Variants in UGT1A9 observed in about 807,000 individuals in gnomAD.
UGT1A9 encodes UDP glucuronosyltransferase family 1 member A9, also known as UDP-glucuronosyltransferase 1A9.
Under a neutral mutation model 45.0 loss-of-function variants are expected in UGT1A9, and 35 were observed. The ratio of observed to expected loss-of-function variants is 0.78; its 90% CI spans 0.59 to 1.03. UGT1A9 has a LOEUF of 1.03. UGT1A9 is among the 50% of genes least tolerant of loss of function. The pLI is 0.00. For synonymous variants in UGT1A9, 278 were observed against 250.6 expected (o/e 1.11, Z -1.03); for missense variants, 687 against 666.6 (o/e 1.03, Z -0.34).
In UGT1A9 at chr2:233,769,413, T is replaced by A; in HGVS notation, c.1295+974T>A. 1 of 1,369,868 alleles carries A rather than the reference T, an allele frequency of 7.3e-7. No homozygotes were observed. Among genetic ancestry groups the A allele is most frequent in the Non-Finnish European group, 1.0e-6 (1 of 976,294 alleles). 84.9% of individuals were successfully genotyped at this position (1,369,868 alleles called of 1,614,324 possible). Reference sequence around the variant, plus strand: ...ACTGTGTGCATATGTGCGTGTGCGTTTGTGCATGTGGCTGTGCTCATGTGT... The same window carrying A: ...ACTGTGTGCATATGTGCGTGTGCGTATGTGCATGTGGCTGTGCTCATGTGT... On this transcript the variant is annotated intron_variant, in intron 4 of 4. Coordinates refer to ENST00000354728, the MANE Select transcript of UGT1A9 (RefSeq NM_021027.3). The surrounding 1 kb of genome is among the most constrained non-coding windows in gnomAD (Gnocchi z 4.4).
intron 1 of UGT1A9, chr2:233,682,017 A>G (rs949229127): frequency 6.2e-7 from 1 of 1,614,130 alleles, no homozygotes; most frequent in Non-Finnish European, 8.5e-7. Flanking sequence ...AAGGCAGGGA[A>G]GCTGCTGGTA....
intron 1 of UGT1A9, among the ~76,000 whole-genome samples, chr2:233,703,634 G>A (rs943242001): frequency 1.3e-5 from 2 of 151,830 alleles, no homozygotes; most frequent in Admixed American, 1.3e-4. Context: ...TCTGATATTA[G>A]TATAACCAAT....
intron 1 of UGT1A9, among the ~76,000 whole-genome samples, chr2:233,726,193 G>A (rs2077515288): frequency 6.6e-6 from 1 of 152,108 alleles, no homozygotes; most frequent in Admixed American, 6.5e-5. Flanking sequence ...TTTGGCATAT[G>A]GAAATCTTGT....
intron 1 of UGT1A9, chr2:233,729,470 CAATGTTGAACA>C: frequency 6.2e-7 from 1 of 1,614,122 alleles, no homozygotes; most frequent in African/African-American, 1.3e-5. Context: ...AGAAGTATGG[CAATGTTGAACA>C]ATATGTCTTT....
intron 1 of UGT1A9, chr2:233,743,509 G>T: frequency 7.3e-7 from 1 of 1,367,170 alleles, no homozygotes; most frequent in Non-Finnish European, 9.8e-7. Context: ...GGGTGCAGAC[G>T]CTCTGCTTCT....
Position 233,682,320 on chromosome 2 carries a change from T to C in UGT1A9, c.855+9531T>C, listed in dbSNP as rs763345749. ...TTTTTTTCAAATTGCAGGAGTTTGT[T>C]TAATGACCGAAAATTAGTAGAATAC... On this transcript the variant is annotated intron_variant, in intron 1 of 4. Transcript: ENST00000354728. 5.6e-6 allele frequency: 9 copies of C among 1,614,156 alleles called. No homozygotes were observed. The South Asian group carries it at 8.8e-5, about 16-fold the overall frequency.
At chr2:233,751,081 C>A (rs1306990263) in intron 1 of UGT1A9, among the ~76,000 whole-genome samples, 1 of 151,926 alleles carries the variant, frequency 6.6e-6, no homozygotes, top group African/African-American at 2.4e-5. Context: ...CCTCTGAAGG[C>A]AGCCAGGAGG....
chr2:233,772,326 C>A lies in UGT1A9; in HGVS notation c.1360C>A (p.Leu454Met), dbSNP rs767264478. ...HKDRPVEPLDLAVFWVEFVMR... is the reference protein window; with the variant it reads ...HKDRPVEPLDMAVFWVEFVMR... The stretch of plus-strand genomic sequence containing the variant: ...GGACCGCCCGGTGGAGCCGCTGGAC[C>A]TGGCCGTGTTCTGGGTGGAGTTTGT... The change falls in exon 5 of 5, where the codon CTG becomes ATG. Residue 454 changes from leucine (L) to methionine (M), a missense_variant. Coordinates refer to ENST00000354728, the MANE Select transcript of UGT1A9 (RefSeq NM_021027.3). 1 of 1,614,166 alleles carries A rather than the reference C, an allele frequency of 6.2e-7. No homozygotes were observed. The highest frequency in any genetic ancestry group is 8.5e-7 in the Non-Finnish European group (1 of 1,180,028).
intron 1 of UGT1A9, among the ~76,000 whole-genome samples, chr2:233,717,477 G>T (rs551633792): frequency 6.6e-6 from 1 of 152,346 alleles, no homozygotes; most frequent in East Asian, 1.9e-4. Context: ...TGTGTCCAAA[G>T]GTGGAATCTG....
intron 1 of UGT1A9, among the ~76,000 whole-genome samples, chr2:233,706,902 A>C (rs1389391522): frequency 6.6e-6 from 1 of 152,198 alleles, no homozygotes; most frequent in Non-Finnish European, 1.5e-5. Flanking sequence ...GGCATTTTAC[A>C]ATCCTAGCTG....
In UGT1A9 at chr2:233,725,300, A is replaced by G. The variant is rs956221010; in HGVS notation, c.856-41734A>G. The stretch of plus-strand genomic sequence containing the variant: ...CAGAGGCAGAGGCAGAGGCAGAGGC[A>G]GAGGCAGAGGCAGAGGCGCCTGGTC... On this transcript the variant is annotated intron_variant, in intron 1 of 4. Transcript: ENST00000354728. 9.4e-5 allele frequency among the ~76,000 whole-genome samples: 7 copies of G among 74,572 alleles called. 1 individual carries two copies. In the East Asian group the frequency reaches 1.7e-3, roughly 18 times the overall value. The allele number at this position is 74,572 out of a possible 152,430, so 48.9% of individuals were successfully genotyped here.
chr2:233,729,351 C>T, intron 1 of UGT1A9: 1 of 1,614,194 alleles, frequency 6.2e-7, no homozygotes, highest in Non-Finnish European at 8.5e-7. Context: ...AGAACTTTTT[C>T]ACCCTGACAA....
chr2:233,718,994 G>A lies in UGT1A9; in HGVS notation c.855+46205G>A, dbSNP rs749212538. ...AGCTCCATGCCAGAGGCCACCAGGC[G>A]GTGGTCCTCACCCCAGAGGTGAATA... On this transcript the variant is annotated intron_variant, in intron 1 of 4. Coordinates refer to ENST00000354728, the MANE Select transcript of UGT1A9 (RefSeq NM_021027.3). 2.7e-4 allele frequency: 436 copies of A among 1,613,960 alleles called. 1 individual carries two copies. The highest frequency in any genetic ancestry group is 1.8e-3 in the Admixed American group (110 of 60,006).
intron 1 of UGT1A9, among the ~76,000 whole-genome samples, chr2:233,705,124 G>A (rs1223845607): frequency 3.8e-5 from 5 of 133,010 alleles, no homozygotes; most frequent in Admixed American, 7.4e-5. Context: ...GGACAAGAGC[G>A]AGACTTCGTC....
chr2:233,697,312 G>A (rs150627234), intron 1 of UGT1A9, among the ~76,000 whole-genome samples: 114 of 152,132 alleles, frequency 7.5e-4, no homozygotes, highest in African/African-American at 2.7e-3. Flanking sequence ...TTGGTAGATT[G>A]TTTGTGTTTG....
At chr2:233,736,819 A>G (rs1408974835) in intron 1 of UGT1A9, among the ~76,000 whole-genome samples, 1 of 152,184 alleles carries the variant, frequency 6.6e-6, no homozygotes, top group Non-Finnish European at 1.5e-5. Context: ...TCCACTCCAG[A>G]TGCTCTTTGC....
At chr2:233,724,549 A>G (rs2077280351) in intron 1 of UGT1A9, among the ~76,000 whole-genome samples, 1 of 120,476 alleles carries the variant, frequency 8.3e-6, no homozygotes, top group Non-Finnish European at 1.7e-5. Flanking sequence ...GGCGCTCCTC[A>G]CATCCCAGAT....
At chr2:233,695,420 G>A (rs1281215044) in intron 1 of UGT1A9, among the ~76,000 whole-genome samples, 2 of 138,292 alleles carry the variant, frequency 1.4e-5, no homozygotes, top group African/African-American at 2.6e-5. Context: ...TACCGCGCCC[G>A]GCCTTCTTCT....
intron 1 of UGT1A9, among the ~76,000 whole-genome samples, chr2:233,727,386 G>A (rs1285965204): frequency 1.3e-5 from 2 of 152,076 alleles, no homozygotes; most frequent in Non-Finnish European, 2.9e-5. Context: ...GAGTACCACC[G>A]TCTTCCAAGA....
Sources: gnomAD v4.1 joint callset for allele counts (sites outside exome capture counted in the v4.1 genomes callset) on GRCh38, gnomAD v4.1.1 for gene constraint, Gnocchi (gnomAD v3.1) non-coding constraint, MANE v1.5 for transcripts, NCBI Gene and HGNC (gene_info 2026-07-23, HGNC 2026-07-21) for gene names.